Variants in DNAH8 observed in about 807,000 individuals in gnomAD.
The protein encoded by DNAH8 is dynein axonemal heavy chain 8, also known as axonemal beta dynein heavy chain 8.
DNAH8 carries 382 observed loss-of-function variants against 562.1 expected under a neutral mutation model. That is an observed-to-expected ratio of 0.68 (90% CI 0.63 to 0.74). DNAH8 has a LOEUF of 0.74. DNAH8 is among the 30% of genes least tolerant of loss of function. The pLI, the probability that DNAH8 is intolerant of heterozygous loss-of-function variation, is 0.00. For missense variants in DNAH8, 5,203 were observed against 5,620.4 expected (o/e 0.93, Z 2.37); for synonymous variants, 1,881 against 1,919.4 (o/e 0.98, Z 0.52).
chr6:38,853,267 A>G lies in DNAH8; in HGVS notation c.5653A>G (p.Asn1885Asp). ...AAAAATGCAGATGTCATCATTACAT[A>G]ATATAATTAGATCCGCTTTCTATCA... ...LLKMQMSSLH[N>D]IIRSAFYQIS... Residue 1885 changes from asparagine (N) to aspartate (D), a missense_variant, in exon 41 of 93, where the codon AAT becomes GAT. Asn to Asp is a conservative substitution (Grantham distance 23, BLOSUM62 1). Transcript: ENST00000327475. 6.2e-7 allele frequency: 1 copy of G among 1,613,406 alleles called. No individual in the cohort carries two copies. Among genetic ancestry groups the G allele is most frequent in the Non-Finnish European group, 8.5e-7 (1 of 1,179,638 alleles).
rs1773298837 is a variant in DNAH8 at position 38,826,155 on chromosome 6, G to A, written c.3848-1G>A. ...ATTTAATTTCTTCTTGTCTTCATCA[G>A]AGCCGATGAAATTGGCCTTATCCAT... On this transcript the variant is annotated splice_acceptor_variant, in intron 28 of 92. Transcript: ENST00000327475. LOFTEE classifies it high-confidence loss of function. The A allele has an allele frequency of 8.2e-6, 13 of 1,589,610 alleles. No homozygotes were observed. The highest frequency in any genetic ancestry group is 2.7e-5 in the African/African-American group (2 of 73,790).
rs111463472 is a variant in DNAH8, at chr6:38,899,756, C to T, written c.9064-20C>T. Reference sequence around the variant, plus strand: ...ATTGCATTCTTTTTTCAAATAAGCACGTTTTAAATCTCAAAACAGATTTCA... The same window carrying T: ...ATTGCATTCTTTTTTCAAATAAGCATGTTTTAAATCTCAAAACAGATTTCA... On this transcript the variant is annotated intron_variant, in intron 61 of 92. Transcript: ENST00000327475. 8.1e-5 allele frequency: 131 copies of T among 1,611,700 alleles called. 3 individuals carry two copies. In the African/African-American group the frequency reaches 8.5e-4, roughly 11 times the overall value.
chr6:38,894,881 T>A lies in DNAH8; in HGVS notation c.8747+17T>A. 2 of 1,606,912 alleles carry A rather than the reference T, an allele frequency of 1.2e-6. No homozygotes were observed. The highest frequency in any genetic ancestry group is 1.7e-6 in the Non-Finnish European group (2 of 1,177,386). On this transcript the variant is annotated intron_variant, in intron 59 of 92. Coordinates refer to ENST00000327475, the MANE Select transcript of DNAH8 (RefSeq NM_001206927.2). ...TGCAGACAGGTGCGTGTTGCGGCAC[T>A]AGAGTTTAAATGTATGACCTGAGAA...
rs1763486142 is a variant in DNAH8 at position 38,973,693 on chromosome 6, T to C, written c.12558T>C (p.Leu4186=). The C allele has an allele frequency of 6.2e-7, 1 of 1,605,934 alleles. No homozygotes were observed. Residue 4186 remains leucine (L), a synonymous_variant, in exon 84 of 93, where the codon CTT becomes CTC. Transcript: ENST00000327475. Reference sequence around the variant, plus strand: ...GGGTATTACTACAAAATTGCCACCTTGGCCTGGAATTCATGGAAGAATTAC... The same window carrying C: ...GGGTATTACTACAAAATTGCCACCTCGGCCTGGAATTCATGGAAGAATTAC... ...GGWVLLQNCH[L]GLEFMEELLE...
At chr6:38,756,855 G>A (rs372664100) in intron 10 of DNAH8, among the ~76,000 whole-genome samples, 8 of 151,772 alleles carry the variant, frequency 5.3e-5, no homozygotes, top group Non-Finnish European at 7.4e-5. Context: ...TGAATTCATC[G>A]TTTTTTATGG....
chr6:38,775,582 C>T (rs561882854), intron 12 of DNAH8, among the ~76,000 whole-genome samples, 172 bp from the exon 13 acceptor site: 124 of 152,256 alleles, frequency 8.1e-4, no homozygotes, highest in African/African-American at 2.8e-3. Flanking sequence ...GTAAGAATGA[C>T]GGGTGACAGA....
In DNAH8 at chr6:38,923,992, C is replaced by T. The variant is rs760779448; in HGVS notation, c.10792C>T (p.Leu3598Phe). 20 of 1,613,778 alleles carry T rather than the reference C, an allele frequency of 1.2e-5. No individual in the cohort carries two copies. Among genetic ancestry groups the T allele is most frequent in the Non-Finnish European group, 1.5e-5 (18 of 1,179,864 alleles). ...GGGGGCTGTGTGTTTTCTTCACAGA[C>T]TTGTAGGTGATATTCTGCTGTGCAC... Reference protein sequence around the residue: ...SKEFKAQINRLVGDILLCTGF... With the variant: ...SKEFKAQINRFVGDILLCTGF... The change falls in exon 73 of 93, where the codon CTT (leucine) becomes TTT (phenylalanine). Residue 3598 changes from leucine (L) to phenylalanine (F), a missense_variant and splice_region_variant. This residue lies in a region of DNAH8 where 1,399 missense variants were observed against 1,518.4 expected (regional missense o/e 0.92). Transcript: ENST00000327475.
chr6:38,957,682 G>A (rs961794728), intron 82 of DNAH8, among the ~76,000 whole-genome samples: 7 of 151,904 alleles, frequency 4.6e-5, no homozygotes, highest in Non-Finnish European at 8.8e-5. Context: ...TAGGAACTTT[G>A]GAAACTGTAC....
At position 38,852,895 on chromosome 6, in the gene DNAH8, G is replaced by A. The variant is rs900324829; in HGVS notation, c.5571+97G>A. On this transcript the variant is annotated intron_variant, in intron 40 of 92. Coordinates refer to ENST00000327475, the MANE Select transcript of DNAH8 (RefSeq NM_001206927.2). ...CTTACAGAAAAAAACAGGAGGAGAG[G>A]GAGTTCTCATTCTACAGCCCTGGGC... The A allele has an allele frequency of 7.3e-5, 68 of 936,094 alleles. No individual in the cohort carries two copies. In the African/African-American group the frequency reaches 9.3e-4, roughly 13 times the overall value. The allele number at this position is 936,094 out of a possible 1,614,324, so 58.0% of individuals were successfully genotyped here. A position where few individuals can be genotyped will look rare whatever the true frequency, so the allele number is the denominator to read the frequency against.
Position 38,857,736 on chromosome 6 carries a change from T to C in DNAH8, c.5952T>C (p.Asp1984=), listed in dbSNP as rs550149548. 47 of 1,602,646 alleles carry C rather than the reference T, an allele frequency of 2.9e-5. No homozygotes were observed. The highest frequency in any genetic ancestry group is 5.4e-5 in the African/African-American group (4 of 74,696). The part of the protein sequence containing the change: ...TIHVHQRDIF[D]DLVKMHIKSP... ...ATGTGCATCAGAGAGATATTTTTGA[T>C]GACTTGGTAAGGTATCTTTTTTTTT... is the stretch of plus-strand genomic sequence containing the variant. Residue 1984 remains aspartate, a synonymous_variant, in exon 42 of 93, where the codon GAT becomes GAC. Coordinates refer to ENST00000327475, the MANE Select transcript of DNAH8 (RefSeq NM_001206927.2).
chr6:38,978,428 T>C (rs1763813550), intron 85 of DNAH8, among the ~76,000 whole-genome samples: 1 of 152,220 alleles, frequency 6.6e-6, no homozygotes, highest in East Asian at 1.9e-4. Context: ...TATAAAGTTC[T>C]TGCTTTGGGG....
At chr6:39,008,710 A>C in intron 88 of DNAH8, 104 bp from the exon 89 acceptor site, 1 of 311,120 alleles carries the variant, frequency 3.2e-6, no homozygotes, top group Non-Finnish European at 5.1e-6. Flanking sequence ...TTTTTTTTGT[A>C]GCTTGCTTTG....
intron 16 of DNAH8, among the ~76,000 whole-genome samples, chr6:38,782,458 T>G (rs1449764750): frequency 6.6e-6 from 1 of 152,096 alleles, no homozygotes; most frequent in African/African-American, 2.4e-5. Flanking sequence ...TTTTTTTGTA[T>G]TTTTAGAGAG....
chr6:38,850,848 G>C (rs1250188609), intron 38 of DNAH8, among the ~76,000 whole-genome samples: 2 of 152,048 alleles, frequency 1.3e-5, no homozygotes, highest in Admixed American at 1.3e-4. Flanking sequence ...TCCTCTTCCT[G>C]TGTGTCTCTT....
intron 49 of DNAH8, 71 bp from the exon 50 acceptor site, chr6:38,872,465 C>A: frequency 6.7e-7 from 1 of 1,500,438 alleles, no homozygotes. Flanking sequence ...CTTTAATCTT[C>A]AAGTAGCTAC....
chr6:39,009,932 T>C (rs1766074527), intron 89 of DNAH8, among the ~76,000 whole-genome samples: 1 of 152,224 alleles, frequency 6.6e-6, no homozygotes, highest in African/African-American at 2.4e-5. Flanking sequence ...AATAGTTTTA[T>C]TGGTGTGATC....
chr6:38,905,609 G>C (rs993632471), intron 62 of DNAH8, among the ~76,000 whole-genome samples: 1 of 151,966 alleles, frequency 6.6e-6, no homozygotes, highest in African/African-American at 2.4e-5. Flanking sequence ...ATATTTACTC[G>C]GACAAAATCT....
At chr6:38,722,255 G>GCATGGCATGCT (rs1762812075) in intron 1 of DNAH8, among the ~76,000 whole-genome samples, 1 of 152,132 alleles carries the variant, frequency 6.6e-6, no homozygotes, top group East Asian at 1.9e-4. Context: ...TGCTTTTATG[G>GCATGGCATGCT]TAGATGAGAT....
rs780056047 is a variant in DNAH8 at position 38,931,910 on chromosome 6, A to G, written c.11374A>G (p.Lys3792Glu). 33 of 1,612,164 alleles carry G rather than the reference A, an allele frequency of 2.0e-5. No homozygotes were observed. The highest frequency in any genetic ancestry group is 5.5e-5 in the South Asian group (5 of 90,706). The change falls in exon 76 of 93, where the codon AAA becomes GAA. Residue 3792 changes from lysine (K) to glutamate (E), a missense_variant. By Grantham distance (56) the Lys-to-Glu change is moderately conservative. Coordinates refer to ENST00000327475, the MANE Select transcript of DNAH8 (RefSeq NM_001206927.2). ...NPAFTPEINA[K>E]TSVIDFTVTM... is the part of the protein sequence containing the mutation. The stretch of plus-strand genomic sequence containing the variant: ...TGCCTTTACCCCAGAGATTAATGCT[A>G]AAACGTCAGTCATTGATTTCACTGT...
Sources: gnomAD v4.1 joint callset for allele counts (sites outside exome capture counted in the v4.1 genomes callset) on GRCh38, gnomAD v4.1.1 for gene constraint, gnomAD v4.1.1 regional missense constraint, MANE v1.5 for transcripts, NCBI Gene and HGNC (gene_info 2026-07-23, HGNC 2026-07-21) for gene names.